The following SLC25A13 variants were observed in gnomAD, a reference collection of about 807,000 sequenced individuals.
SLC25A13 encodes the protein solute carrier family 25 member 13, also known as electrogenic aspartate/glutamate antiporter SLC25A13, mitochondrial.
In SLC25A13, 70 loss-of-function variants were observed where a neutral mutation model predicts 85.5. That is an observed-to-expected ratio of 0.82 (90% CI 0.68 to 1.00). The LOEUF is 1.00. SLC25A13 is among the 50% of genes least tolerant of loss of function. SLC25A13 has a pLI of 0.00. For synonymous variants in SLC25A13, 259 were observed against 288.7 expected (o/e 0.90, Z 1.04); for missense variants, 765 against 819.8 (o/e 0.93, Z 0.82).
At chr7:96,264,725 T>C (rs1048799622) in intron 3 of SLC25A13, among the ~76,000 whole-genome samples, 2 of 151,916 alleles carry the variant, frequency 1.3e-5, no homozygotes, top group East Asian at 3.9e-4. Flanking sequence ...TTTTTTTTTT[T>C]AATTGTAGAG....
intron 2 of SLC25A13, among the ~76,000 whole-genome samples, chr7:96,296,253 T>C (rs1799341379): frequency 6.6e-6 from 1 of 152,088 alleles, no homozygotes; most frequent in Non-Finnish European, 1.5e-5. Context: ...TACTGAGATG[T>C]TTACAATGAG....
intron 5 of SLC25A13, among the ~76,000 whole-genome samples, chr7:96,204,339 T>A (rs138747402): frequency 7.2e-5 from 11 of 152,304 alleles, no homozygotes; most frequent in South Asian, 4.1e-4. Flanking sequence ...AAACCTTTCA[T>A]TCTGTGCCCC....
intron 13 of SLC25A13, among the ~76,000 whole-genome samples, chr7:96,147,055 C>CGTATCCAAATGAGGAGACACAGAAT: frequency 2.2e-5 from 1 of 46,098 alleles, no homozygotes; most frequent in Non-Finnish European, 3.9e-5. Flanking sequence ...GAAAAGCATT[C>CGTATCCAAATGAGGAGACACAGAAT]GTATCCAAAT....
chr7:96,256,333 T>C (rs1262202673), intron 3 of SLC25A13, among the ~76,000 whole-genome samples: 1 of 152,104 alleles, frequency 6.6e-6, no homozygotes, highest in Middle Eastern at 3.4e-3. Flanking sequence ...CCATCTCACA[T>C]GCAAAGACAC....
chr7:96,127,763 G>A (rs1791789186), intron 15 of SLC25A13, among the ~76,000 whole-genome samples: 1 of 152,152 alleles, frequency 6.6e-6, no homozygotes, highest in Non-Finnish European at 1.5e-5. Flanking sequence ...TAAGTTAGAG[G>A]CCAACAATTA....
At chr7:96,190,519 G>C (rs951956594) in intron 7 of SLC25A13, among the ~76,000 whole-genome samples, 15 of 152,140 alleles carry the variant, frequency 9.9e-5, no homozygotes, top group Non-Finnish European at 2.1e-4. Context: ...CTTAGAGGTT[G>C]CCAATTTAGC....
At chr7:96,209,129 G>T in intron 4 of SLC25A13, 152 bp from the exon 5 acceptor site, 1 of 763,308 alleles carries the variant, frequency 1.3e-6, no homozygotes, top group Non-Finnish European at 2.1e-6. Flanking sequence ...AGAAATAAAA[G>T]AACCCTCAAG....
intron 13 of SLC25A13, among the ~76,000 whole-genome samples, chr7:96,150,194 A>G (rs1224681856): frequency 6.6e-6 from 1 of 151,880 alleles, no homozygotes; most frequent in East Asian, 1.9e-4. Flanking sequence ...AGAAATGCAT[A>G]CAATTATTAT....
rs17848739 is a variant in SLC25A13, at chr7:96,146,396, C to T, written c.1452+160G>A. On this transcript the variant is annotated intron_variant, in intron 14 of 17. Transcript: ENST00000265631. The stretch of plus-strand genomic sequence containing the variant: ...TTTTGGCAGATGGCAGGAAGGGGCA[C>T]CTCCTTCTAATTGGCATGAAGGTGC... Among the ~76,000 whole-genome samples, 3,363 of 151,994 alleles carry T rather than the reference C, an allele frequency of 0.022. 83 individuals are homozygous for T. The highest frequency in any genetic ancestry group is 0.059 in the African/African-American group (2,441 of 41,460).
intron 13 of SLC25A13, among the ~76,000 whole-genome samples, chr7:96,152,764 A>G (rs558530110): frequency 6.6e-6 from 1 of 152,168 alleles, no homozygotes; most frequent in Admixed American, 6.5e-5. Context: ...TCTGCTATAC[A>G]CCGGTGGTAC....
At chr7:96,154,157 T>TA (rs1264894416) in intron 13 of SLC25A13, among the ~76,000 whole-genome samples, 3 of 152,152 alleles carry the variant, frequency 2.0e-5, no homozygotes. Context: ...ATATTCTGAA[T>TA]AAAAAATCGT....
chr7:96,302,981 G>A (rs1388568041), intron 1 of SLC25A13, among the ~76,000 whole-genome samples: 3 of 152,270 alleles, frequency 2.0e-5, no homozygotes, highest in South Asian at 2.1e-4. Context: ...CTCAGTCCTC[G>A]CTGCATATTC....
At chr7:96,176,518 G>T (rs2116602441) in intron 11 of SLC25A13, among the ~76,000 whole-genome samples, 1 of 152,308 alleles carries the variant, frequency 6.6e-6, no homozygotes, top group African/African-American at 2.4e-5. Flanking sequence ...AAGATTTACA[G>T]GGTACAGTAT....
intron 3 of SLC25A13, among the ~76,000 whole-genome samples, chr7:96,270,958 T>C (rs35974282): frequency 0.61 from 92,311 of 152,018 alleles, 28,715 homozygotes; most frequent in Non-Finnish European, 0.67. Flanking sequence ...TCCTCTTCCC[T>C]GTTTCTGTGT....
chr7:96,229,574 C>T (rs773850725), intron 4 of SLC25A13, among the ~76,000 whole-genome samples: 7 of 152,114 alleles, frequency 4.6e-5, no homozygotes, highest in East Asian at 1.9e-4. Flanking sequence ...TCTTTGGGTC[C>T]GCATTGCCTT....
At chr7:96,180,712 A>G (rs1794388433) in intron 11 of SLC25A13, among the ~76,000 whole-genome samples, 1 of 152,256 alleles carries the variant, frequency 6.6e-6, no homozygotes, top group African/African-American at 2.4e-5. Flanking sequence ...ATCACCTGAA[A>G]GATCTGAGAG....
chr7:96,169,951 TA>T, intron 13 of SLC25A13, 93 bp downstream of exon 13: 2 of 1,300,692 alleles, frequency 1.5e-6, no homozygotes, highest in South Asian at 1.2e-5. Flanking sequence ...GATCTGTGGT[TA>T]AACAGAAGCC....
chr7:96,141,341 T>C (rs1792554335), intron 14 of SLC25A13, among the ~76,000 whole-genome samples: 1 of 152,198 alleles, frequency 6.6e-6, no homozygotes, highest in Non-Finnish European at 1.5e-5. Context: ...GTTCTCTTGA[T>C]AGCTGCCCTG....
intron 13 of SLC25A13, among the ~76,000 whole-genome samples, chr7:96,160,913 G>A (rs978613591): frequency 4.0e-5 from 6 of 151,830 alleles, no homozygotes; most frequent in Non-Finnish European, 5.9e-5. Context: ...TGAGAAAACC[G>A]ATGGAGCTGC....
Sources: allele counts gnomAD v4.1 joint callset (sites outside exome capture counted in the v4.1 genomes callset), GRCh38; gene constraint gnomAD v4.1.1; transcripts MANE v1.5; gene names NCBI Gene and HGNC (gene_info 2026-07-23, HGNC 2026-07-21).